The following CEP128 variants were observed in gnomAD, a reference collection of about 807,000 sequenced individuals.
CEP128 encodes centrosomal protein 128kDa.
In CEP128, 132 loss-of-function variants were observed where a neutral mutation model predicts 156.7. The ratio of observed to expected loss-of-function variants is 0.84; its 90% confidence interval spans 0.73 to 0.97. The LOEUF is 0.97. CEP128 is among the 50% of genes least tolerant of loss of function. The probability of loss-of-function intolerance (pLI) is 0.00; values close to 1 mark genes in which losing one functional copy is unlikely to be tolerated. For missense variants in CEP128, 1,252 were observed against 1,281.9 expected (o/e 0.98, Z 0.36); for synonymous variants, 469 against 448.9 (o/e 1.04, Z -0.57).
intron 8 of CEP128, among the ~76,000 whole-genome samples, chr14:80,885,468 G>A (rs1888751167): frequency 1.3e-5 from 2 of 152,162 alleles, no homozygotes; most frequent in South Asian, 2.1e-4. Flanking sequence ...GCCTCTGCTG[G>A]TGATACCCAG....
chr14:80,625,449 G>A (rs1893671961), intron 19 of CEP128, among the ~76,000 whole-genome samples: 1 of 152,056 alleles, frequency 6.6e-6, no homozygotes, highest in Non-Finnish European at 1.5e-5. Context: ...GGTTGTTCAT[G>A]CCTCTATATG....
At chr14:80,623,401 T>C (rs1028318433) in intron 19 of CEP128, among the ~76,000 whole-genome samples, 9 of 151,786 alleles carry the variant, frequency 5.9e-5, no homozygotes, top group African/African-American at 2.2e-4. Flanking sequence ...ATGGCACATG[T>C]ATACATATGT....
chr14:80,873,799 C>T (rs1888145201), intron 8 of CEP128, among the ~76,000 whole-genome samples: 1 of 151,994 alleles, frequency 6.6e-6, no homozygotes, highest in Non-Finnish European at 1.5e-5. Context: ...CTGCACTATT[C>T]CCGTGATATT....
At chr14:80,912,823 T>C (rs772004389) in intron 4 of CEP128, among the ~76,000 whole-genome samples, 17 of 152,136 alleles carry the variant, frequency 1.1e-4, no homozygotes, top group Non-Finnish European at 1.6e-4. Context: ...ACGTGACAAT[T>C]CAATACAACA....
intron 16 of CEP128, among the ~76,000 whole-genome samples, chr14:80,774,895 T>C (rs1900709940): frequency 6.6e-6 from 1 of 152,206 alleles, no homozygotes; most frequent in Admixed American, 6.5e-5. Context: ...TGATTCAACA[T>C]AGTCTGGTTC....
intron 13 of CEP128, among the ~76,000 whole-genome samples, chr14:80,828,482 G>A (rs189190703): frequency 7.9e-5 from 12 of 152,144 alleles, no homozygotes; most frequent in South Asian, 6.2e-4. Flanking sequence ...TGAGAAAGGG[G>A]GCATAAGAAT....
intron 8 of CEP128, among the ~76,000 whole-genome samples, chr14:80,874,280 AT>A: frequency 6.6e-6 from 1 of 152,036 alleles, no homozygotes; most frequent in East Asian, 1.9e-4. Flanking sequence ...CCTGGCCAAC[AT>A]CGCGAAACCC....
At chr14:80,775,693 C>A (rs1214133444) in intron 16 of CEP128, among the ~76,000 whole-genome samples, 3 of 152,218 alleles carry the variant, frequency 2.0e-5, no homozygotes, top group Non-Finnish European at 4.4e-5. Context: ...ATAGCAGATG[C>A]TCAATACATA....
At chr14:80,566,854 G>GAA (rs11390467) in intron 20 of CEP128, among the ~76,000 whole-genome samples, 38 of 138,912 alleles carry the variant, frequency 2.7e-4, no homozygotes, top group Middle Eastern at 3.9e-3. Flanking sequence ...ACATATTGAA[G>GAA]AAAAAAAAAA....
intron 19 of CEP128, among the ~76,000 whole-genome samples, chr14:80,629,576 C>T (rs979488254): frequency 3.4e-5 from 5 of 148,190 alleles, no homozygotes; most frequent in Admixed American, 6.7e-5. Flanking sequence ...TTTTAGAAAT[C>T]GGTCACTAAT....
chr14:80,508,702 C>G (rs1261136649), intron 23 of CEP128, among the ~76,000 whole-genome samples: 2 of 152,092 alleles, frequency 1.3e-5, no homozygotes, highest in Non-Finnish European at 2.9e-5. Context: ...ATTTTCATTT[C>G]AGCTGAAAAA....
intron 19 of CEP128, among the ~76,000 whole-genome samples, chr14:80,665,157 C>T (rs1029920679): frequency 6.6e-6 from 1 of 152,106 alleles, no homozygotes; most frequent in African/African-American, 2.4e-5. Context: ...TAGAATACAC[C>T]TACATTGTGC....
At chr14:80,815,028 A>G (rs1404936239) in intron 13 of CEP128, among the ~76,000 whole-genome samples, 1 of 152,264 alleles carries the variant, frequency 6.6e-6, no homozygotes, top group Admixed American at 6.5e-5. Context: ...ACTGCACTCC[A>G]GCCTTGGCAA....
At chr14:80,647,035 A>G (rs1266059117) in intron 19 of CEP128, among the ~76,000 whole-genome samples, 34 of 27,434 alleles carry the variant, frequency 1.2e-3, no homozygotes, top group South Asian at 3.5e-3. Flanking sequence ...ATATGTGTGC[A>G]TGTATATATA....
intron 17 of CEP128, among the ~76,000 whole-genome samples, chr14:80,759,485 CT>C (rs1294374243): frequency 6.6e-6 from 1 of 152,142 alleles, no homozygotes; most frequent in East Asian, 1.9e-4. Context: ...TACCACACCC[CT>C]GGGTGGTTTC....
At chr14:80,518,357 C>A (rs901902791) in intron 23 of CEP128, among the ~76,000 whole-genome samples, 1 of 151,892 alleles carries the variant, frequency 6.6e-6, no homozygotes, top group African/African-American at 2.4e-5. Flanking sequence ...CTAGGAAATC[C>A]AGCTAGCCCT....
At chr14:80,787,538 T>A (rs1012779175) in intron 14 of CEP128, among the ~76,000 whole-genome samples, 1 of 152,166 alleles carries the variant, frequency 6.6e-6, no homozygotes, top group Non-Finnish European at 1.5e-5. Flanking sequence ...AGGAGTAATG[T>A]CTTATCATAT....
Position 80,785,168 on chromosome 14 carries a change from A to T in CEP128, c.1938T>A (p.Asp646Glu). ...SIKDLSAIRA[D>E]LANKLAEEER... ...CTTCCTCAGCCAATTTATTAGCAAG[A>T]TCTGCTCGGATGGCACTCAGGTCCT... The change falls in exon 15 of 25, where the codon GAT becomes GAA. Residue 646 changes from aspartate (D) to glutamate (E), a missense_variant. Transcript: ENST00000555265. 2 of 1,614,160 alleles carry T rather than the reference A, an allele frequency of 1.2e-6. No homozygotes were observed. The highest frequency in any genetic ancestry group is 1.7e-6 in the Non-Finnish European group (2 of 1,180,010).
At chr14:80,498,516 AC>A (rs1887594789) in intron 24 of CEP128, among the ~76,000 whole-genome samples, 1 of 151,920 alleles carries the variant, frequency 6.6e-6, no homozygotes, top group Non-Finnish European at 1.5e-5. Flanking sequence ...TCTCTAGGAG[AC>A]CATGGCCCTT....
Sources: allele counts gnomAD v4.1 joint callset (sites outside exome capture counted in the v4.1 genomes callset), GRCh38; gene constraint gnomAD v4.1.1; transcripts MANE v1.5; gene names NCBI Gene and HGNC (gene_info 2026-07-23, HGNC 2026-07-21).